DSE: variants seen among roughly 807,000 people sequenced by gnomAD.
The protein encoded by DSE is dermatan sulfate epimerase, also known as dermatan-sulfate epimerase.
DSE carries 36 observed loss-of-function variants against 84.4 expected under a neutral mutation model. The observed-to-expected ratio is 0.43, with a 90% CI of 0.33 to 0.56. The LOEUF is 0.56. DSE is among the 20% of genes least tolerant of loss of function. The probability of loss-of-function intolerance (pLI) is 0.06; values close to 1 mark genes in which losing one functional copy is unlikely to be tolerated. For missense variants in DSE, 862 were observed against 1,169.6 expected (o/e 0.74, Z 3.84); for synonymous variants, 410 against 430.1 (o/e 0.95, Z 0.58).
At chr6:116,317,727 G>C (rs144373934) in intron 2 of DSE, among the ~76,000 whole-genome samples, 1 of 152,172 alleles carries the variant, frequency 6.6e-6, no homozygotes, top group African/African-American at 2.4e-5. Context: ...TTGTATTGCC[G>C]TATCTAAACA....
chr6:116,421,185 T>C (rs1783049841), intron 2 of DSE, among the ~76,000 whole-genome samples: 2 of 152,178 alleles, frequency 1.3e-5, no homozygotes, highest in African/African-American at 2.4e-5. Context: ...ATTTATTTCA[T>C]ATAAATTCAC....
intron 2 of DSE, among the ~76,000 whole-genome samples, chr6:116,301,988 T>G (rs1363331556): frequency 1.3e-5 from 2 of 152,330 alleles, no homozygotes; most frequent in East Asian, 1.9e-4. Context: ...TGGCTGCATA[T>G]TATTCCATGA....
chr6:116,410,253 A>C (rs1053437691), intron 2 of DSE, among the ~76,000 whole-genome samples: 4 of 152,032 alleles, frequency 2.6e-5, no homozygotes, highest in African/African-American at 9.7e-5. Context: ...TTTGCCAGTC[A>C]CTCCCTGAAG....
chr6:116,433,334 T>C lies in DSE; in HGVS notation c.911-9T>C, dbSNP rs1471853834. The C allele has an allele frequency of 1.3e-6, 2 of 1,550,502 alleles. No homozygotes were observed. The highest frequency in any genetic ancestry group is 1.7e-6 in the Non-Finnish European group (2 of 1,146,746). ...AAGTATCTTAATTCTTTCCAACTTA[T>C]TTCCCTAGGGTTTCAAAGGACTGTG... On this transcript the variant is annotated splice_polypyrimidine_tract_variant and intron_variant, in intron 4 of 5. Coordinates refer to ENST00000644252, the MANE Select transcript of DSE (RefSeq NM_013352.4).
intron 1 of DSE, among the ~76,000 whole-genome samples, chr6:116,391,858 G>GGAACGATTCTGCA (rs1562276500): frequency 1.3e-5 from 2 of 151,796 alleles, no homozygotes; most frequent in Non-Finnish European, 2.9e-5. Context: ...ATAATTTTAG[G>GGAACGATTCTGCA]GAACGATTCT....
chr6:116,306,984 G>A (rs763948718), intron 2 of DSE, among the ~76,000 whole-genome samples: 1 of 152,178 alleles, frequency 6.6e-6, no homozygotes, highest in African/African-American at 2.4e-5. Flanking sequence ...AATCTATTCA[G>A]TCTATGTTAT....
rs1266685038 is a variant in DSE, at chr6:116,371,130, A to AGGGGCGCGCAAGGGACGAGCT, written c.-54+19_-54+39dup. 1.0e-6 allele frequency: 1 copy of AGGGGCGCGCAAGGGACGAGCT among 985,864 alleles called. No individual in the cohort carries two copies. The highest frequency in any genetic ancestry group is 1.2e-6 in the Non-Finnish European group (1 of 830,484). The allele number at this position is 985,864 out of a possible 1,614,324, so 61.1% of individuals were successfully genotyped here. On this transcript the variant is annotated intron_variant, in intron 1 of 5. Coordinates refer to ENST00000644252, the MANE Select transcript of DSE (RefSeq NM_013352.4). The stretch of plus-strand genomic sequence containing the variant: ...AGCCTCGGCTGGGAGCGGTAAGTGG[A>AGGGGCGCGCAAGGGACGAGCT]GGGGCGCGCAAGGGACGAGCTGGGG...
chr6:116,380,774 A>C (rs1207095733), intron 1 of DSE, among the ~76,000 whole-genome samples: 1 of 152,210 alleles, frequency 6.6e-6, no homozygotes, highest in African/African-American at 2.4e-5. Flanking sequence ...GGATACAGAG[A>C]GGACTGAAAT....
chr6:116,417,749 T>A (rs7341213), intron 2 of DSE, among the ~76,000 whole-genome samples: 1,666 of 152,304 alleles, frequency 0.011, 40 homozygotes, highest in African/African-American at 0.036. Flanking sequence ...GTCATACCGT[T>A]CATCCTTCTA....
At chr6:116,258,952 C>T (rs1182272247) in exon 2 of DSE, 2 of 1,515,934 alleles carry the variant, frequency 1.3e-6, no homozygotes, top group Non-Finnish European at 1.8e-6. Flanking sequence ...GGCGGCATAC[C>T]ACCCTGCACT....
intron 1 of DSE, among the ~76,000 whole-genome samples, chr6:116,381,395 T>A (rs1470045727): frequency 6.6e-6 from 1 of 152,140 alleles, no homozygotes; most frequent in Non-Finnish European, 1.5e-5. Context: ...TGGACAAGAC[T>A]GTTGCTCATT....
chr6:116,371,274 C>T (rs979368049), intron 1 of DSE, among the ~76,000 whole-genome samples, 153 bp downstream of exon 1: 2 of 152,132 alleles, frequency 1.3e-5, no homozygotes, highest in African/African-American at 4.8e-5. Flanking sequence ...GGTTGCGCGC[C>T]CGGGCCCGGC....
chr6:116,400,179 T>C (rs888718411), intron 2 of DSE: 5 of 152,756 alleles, frequency 3.3e-5, no homozygotes, highest in African/African-American at 1.2e-4. Context: ...AAAACCAACA[T>C]TATTGTGTAA....
intron 2 of DSE, among the ~76,000 whole-genome samples, chr6:116,331,244 T>A (rs562251394): frequency 6.6e-6 from 1 of 152,348 alleles, no homozygotes; most frequent in East Asian, 1.9e-4. Context: ...CTTGCTGCTA[T>A]GATGAAATAC....
At chr6:116,366,551 T>G (rs76585578), upstream of DSE, 49 of 152,368 alleles carry the variant, frequency 3.2e-4, no homozygotes, top group African/African-American at 1.2e-3. Flanking sequence ...TATTATAATT[T>G]GGAAGGTGTT....
intron 2 of DSE, among the ~76,000 whole-genome samples, chr6:116,275,129 C>T (rs1773066561): frequency 6.6e-6 from 1 of 152,156 alleles, no homozygotes; most frequent in Admixed American, 6.5e-5. Flanking sequence ...ATTTATAGAT[C>T]TCAATTCAGA....
At chr6:116,430,917 G>C (rs202022553) in intron 3 of DSE, 37 bp from the exon 4 acceptor site, 35 of 1,607,314 alleles carry the variant, frequency 2.2e-5, no homozygotes, top group Non-Finnish European at 3.0e-5. Flanking sequence ...TTTGTCACAG[G>C]CTTTAGTCAT....
At chr6:116,371,759 C>A (rs570260680) in intron 1 of DSE, among the ~76,000 whole-genome samples, 2 of 152,316 alleles carry the variant, frequency 1.3e-5, no homozygotes, top group African/African-American at 4.8e-5. Context: ...GGGGAGGAGG[C>A]GGGGGCTTGA....
rs1217485444 is a variant in DSE, at chr6:116,437,550, G to A, written c.*205G>A. ...TCAAAGCAATAGAAATAGCTTGGTG[G>A]TCCTATGGTGTTTTTGGAAGTATTT... On this transcript the variant is annotated 3_prime_UTR_variant, in exon 6 of 6. Coordinates refer to ENST00000644252, the MANE Select transcript of DSE (RefSeq NM_013352.4). 1 of 523,080 alleles carries A rather than the reference G, an allele frequency of 1.9e-6. No individual in the cohort carries two copies. Among genetic ancestry groups the A allele is most frequent in the Non-Finnish European group, 3.3e-6 (1 of 305,426 alleles). The allele number at this position is 523,080 out of a possible 1,614,324, so 32.4% of individuals were successfully genotyped here. A position where few individuals can be genotyped will look rare whatever the true frequency, so the allele number is the denominator to read the frequency against.
Sources: allele counts gnomAD v4.1 joint callset (sites outside exome capture counted in the v4.1 genomes callset), GRCh38; gene constraint gnomAD v4.1.1; transcripts MANE v1.5; gene names NCBI Gene and HGNC (gene_info 2026-07-23, HGNC 2026-07-21).